The following RNF2 variants were observed in gnomAD, a reference collection of about 807,000 sequenced individuals.
RNF2 encodes the protein ring finger protein 2.
RNF2 carries 6 observed loss-of-function variants against 37.2 expected under a neutral mutation model. The ratio of observed to expected loss-of-function variants is 0.16; its 90% CI spans 0.09 to 0.32. The LOEUF is 0.32. RNF2 is among the 10% of genes least tolerant of loss of function. RNF2 has a pLI of 1.00. For synonymous variants in RNF2, 133 were observed against 132.7 expected (o/e 1.00, Z -0.02); for missense variants, 251 against 404.0 (o/e 0.62, Z 3.25).
intron 1 of RNF2, among the ~76,000 whole-genome samples, chr1:185,081,329 G>T (rs1651342478): frequency 6.6e-6 from 1 of 152,006 alleles, no homozygotes; most frequent in South Asian, 2.1e-4. Context: ...TGAAGAAGTG[G>T]TAGTTGGTTG....
intron 1 of RNF2, among the ~76,000 whole-genome samples, chr1:185,054,068 A>G (rs1470171428): frequency 6.6e-6 from 1 of 152,086 alleles, no homozygotes; most frequent in Non-Finnish European, 1.5e-5. Context: ...ACTTTTGTAT[A>G]TGTGTACTTA....
chr1:185,082,683 G>T (rs1651463961), intron 1 of RNF2, among the ~76,000 whole-genome samples: 1 of 152,014 alleles, frequency 6.6e-6, no homozygotes, highest in Admixed American at 6.5e-5. Context: ...GACCACCACT[G>T]CCCTGTACGT....
chr1:185,101,841 T>TTTG lies in RNF2; in HGVS notation c.*1542_*1543insGTT, dbSNP rs1253755807. The TTTG allele has an allele frequency of 6.7e-6, 1 of 148,460 alleles. No individual in the cohort carries two copies. The highest frequency in any genetic ancestry group is 1.5e-5 in the Non-Finnish European group (1 of 67,044). The allele number at this position is 148,460 out of a possible 1,614,324, so 9.2% of individuals were successfully genotyped here. ...AATCTGTTTTTACAGGGTTTTTTTT[T>TTTG]TTTTTTTTTTTTTGTAATCTGTGCC... On this transcript the variant is annotated 3_prime_UTR_variant, in exon 7 of 7. Transcript: ENST00000367510.
At chr1:185,093,388 G>GC in intron 4 of RNF2, 112 bp downstream of exon 4, 1 of 913,426 alleles carries the variant, frequency 1.1e-6, no homozygotes, top group Non-Finnish European at 1.7e-6. Context: ...AGTACTGCAT[G>GC]ATTACCTTTC....
intron 1 of RNF2, among the ~76,000 whole-genome samples, chr1:185,059,291 T>A (rs564194967): frequency 6.6e-6 from 1 of 152,248 alleles, no homozygotes; most frequent in South Asian, 2.1e-4. Flanking sequence ...AATCTACCTA[T>A]GTGACGGGGG....
At chr1:185,088,195 A>G (rs909858136) in intron 2 of RNF2, among the ~76,000 whole-genome samples, 2 of 152,192 alleles carry the variant, frequency 1.3e-5, no homozygotes, top group Non-Finnish European at 2.9e-5. Flanking sequence ...GGTTAAACTC[A>G]TCCAGAGAGA....
intron 4 of RNF2, among the ~76,000 whole-genome samples, chr1:185,097,359 T>A (rs1221246346): frequency 6.6e-6 from 1 of 152,242 alleles, no homozygotes; most frequent in East Asian, 1.9e-4. Context: ...AAGTACTTAC[T>A]ATTCTTCTTA....
intron 1 of RNF2, among the ~76,000 whole-genome samples, chr1:185,057,132 A>T (rs1650455968): frequency 6.6e-6 from 1 of 151,942 alleles, no homozygotes; most frequent in Admixed American, 6.6e-5. Context: ...ACATAATGAA[A>T]CCCTGTCTCT....
At chr1:185,061,775 A>G (rs1650614012) in intron 1 of RNF2, among the ~76,000 whole-genome samples, 1 of 152,254 alleles carries the variant, frequency 6.6e-6, no homozygotes, top group Non-Finnish European at 1.5e-5. Flanking sequence ...TTCTTAGCTC[A>G]GGAGAACAAG....
At chr1:185,069,456 T>TAAAA (rs768648029) in intron 1 of RNF2, among the ~76,000 whole-genome samples, 1 of 94,174 alleles carries the variant, frequency 1.1e-5, no homozygotes, top group African/African-American at 4.0e-5. Context: ...AGACCCTGTC[T>TAAAA]AAAAAAAAAA....
intron 1 of RNF2, 88 bp from the exon 2 acceptor site, chr1:185,087,464 G>A (rs575438528): frequency 3.3e-5 from 35 of 1,074,318 alleles, no homozygotes; most frequent in South Asian, 4.0e-5. Flanking sequence ...AGATTTCAAC[G>A]TAGGAATTTT....
At chr1:185,100,154 G>A in intron 6 of RNF2, 46 bp from the exon 7 acceptor site, 2 of 1,417,586 alleles carry the variant, frequency 1.4e-6, no homozygotes, top group Non-Finnish European at 1.9e-6. Context: ...CATTATTATT[G>A]TGGTTTGTGC....
chr1:185,058,945 T>C (rs1191534297), intron 1 of RNF2, among the ~76,000 whole-genome samples: 1 of 152,212 alleles, frequency 6.6e-6, no homozygotes, highest in African/African-American at 2.4e-5. Context: ...CTTTTGCTGC[T>C]TTTGTGAACC....
intron 1 of RNF2, among the ~76,000 whole-genome samples, chr1:185,057,003 A>G (rs918508227): frequency 1.3e-5 from 2 of 151,994 alleles, no homozygotes; most frequent in Non-Finnish European, 2.9e-5. Flanking sequence ...TGTAGATCTA[A>G]ATTTATGTGT....
At chr1:185,070,637 T>C (rs1175702255) in intron 1 of RNF2, among the ~76,000 whole-genome samples, 1 of 149,934 alleles carries the variant, frequency 6.7e-6, no homozygotes, top group Non-Finnish European at 1.5e-5. Flanking sequence ...TATTTTCTTT[T>C]CTTTTTTTTT....
intron 1 of RNF2, among the ~76,000 whole-genome samples, chr1:185,051,664 G>A (rs556161179): frequency 2.6e-5 from 4 of 151,062 alleles, no homozygotes; most frequent in African/African-American, 7.3e-5. Flanking sequence ...GGGAGGAGTT[G>A]TGGATGTCCT....
rs1309766304 is a variant in RNF2 at position 185,091,819 on chromosome 1, T to C, written c.248+80T>C. On this transcript the variant is annotated intron_variant, in intron 3 of 6. Coordinates refer to ENST00000367510, the MANE Select transcript of RNF2 (RefSeq NM_007212.4). ...TCCAGGGTTTGAGAAATACATTTTCTTTTTTTTTTTTTTGAGACAGAGTTT... is the reference window on the plus strand; with the variant it reads ...TCCAGGGTTTGAGAAATACATTTTCCTTTTTTTTTTTTTGAGACAGAGTTT... 1.0e-4 allele frequency: 26 copies of C among 256,576 alleles called. No homozygotes were observed. In the East Asian group the frequency reaches 4.5e-3, roughly 44 times the overall value. 15.9% of individuals were successfully genotyped at this position (256,576 alleles called of 1,614,324 possible). A position where few individuals can be genotyped will look rare whatever the true frequency, so the allele number is the denominator to read the frequency against.
At chr1:185,048,397 G>A (rs921249787) in intron 1 of RNF2, among the ~76,000 whole-genome samples, 2 of 152,052 alleles carry the variant, frequency 1.3e-5, no homozygotes, top group Admixed American at 6.6e-5. Context: ...TGCTCAAGGA[G>A]CTATATACAT....
chr1:185,066,381 T>G (rs191101040), intron 1 of RNF2, among the ~76,000 whole-genome samples: 16 of 152,308 alleles, frequency 1.1e-4, no homozygotes, highest in Admixed American at 2.6e-4. Flanking sequence ...CTTTCCTTAT[T>G]ATGTTGGTCC....
Sources: gnomAD v4.1 joint callset for allele counts (sites outside exome capture counted in the v4.1 genomes callset) on GRCh38, gnomAD v4.1.1 for gene constraint, MANE v1.5 for transcripts, NCBI Gene and HGNC (gene_info 2026-07-23, HGNC 2026-07-21) for gene names.